Variants in WASF3 observed in about 807,000 individuals in gnomAD.
WASF3 encodes actin-binding protein WASF3.
WASF3 carries 11 observed loss-of-function variants against 46.6 expected under a neutral mutation model. The observed-to-expected ratio is 0.24, with a 90% CI of 0.15 to 0.39. WASF3 has a LOEUF of 0.39. WASF3 is among the 10% of genes least tolerant of loss of function. WASF3 has a pLI of 1.00. For missense variants in WASF3, 576 were observed against 669.8 expected, an observed-to-expected ratio of 0.86 and a Z score of 1.55; for synonymous variants, 242 against 259.7, an observed-to-expected ratio of 0.93 and a Z score of 0.65.
intron 1 of WASF3, among the ~76,000 whole-genome samples, chr13:26,592,578 C>A (rs1391870671): frequency 5.9e-5 from 9 of 152,078 alleles, no homozygotes; most frequent in South Asian, 2.1e-4. Flanking sequence ...GTCTCTTCTT[C>A]TAAGGCCATA....
chr13:26,686,023 G>A lies in WASF3; in HGVS notation c.*178G>A, dbSNP rs1176418866. ...TCAGTATTTACTGTGTAATACTTAA[G>A]TGCCACTAAACATAGCAAATTGTGC... is the stretch of plus-strand genomic sequence containing the variant. On this transcript the variant is annotated 3_prime_UTR_variant, in exon 10 of 10. Transcript: ENST00000335327. The A allele has an allele frequency of 2.1e-5, 16 of 757,806 alleles. No individual in the cohort carries two copies. The highest frequency in any genetic ancestry group is 3.3e-5 in the Non-Finnish European group (16 of 491,780). 46.9% of individuals were successfully genotyped at this position (757,806 alleles called of 1,614,324 possible). A position where few individuals can be genotyped will look rare whatever the true frequency, so the allele number is the denominator to read the frequency against.
chr13:26,561,593 G>A (rs1879296902), intron 1 of WASF3, among the ~76,000 whole-genome samples: 1 of 152,188 alleles, frequency 6.6e-6, no homozygotes, highest in Admixed American at 6.5e-5. Context: ...GTCCCAGACT[G>A]TCTCAAACAG....
At chr13:26,568,500 A>G (rs1442457410) in intron 1 of WASF3, among the ~76,000 whole-genome samples, 1 of 152,152 alleles carries the variant, frequency 6.6e-6, no homozygotes, top group East Asian at 1.9e-4. Context: ...GGGCTGATGA[A>G]GACTCTGATT....
Position 26,679,613 on chromosome 13 carries a change from C to T in WASF3, c.717-1441C>T, listed in dbSNP as rs912788794. Among the ~76,000 whole-genome samples, 5 of 152,156 alleles carry T rather than the reference C, an allele frequency of 3.3e-5. No homozygotes were observed. The highest frequency in any genetic ancestry group is 3.3e-4 in the Admixed American group (5 of 15,288). Reference sequence around the variant, plus strand: ...TCCTTTAAAAGGTTGCACTGTAAGCCAGTGACTCGTAGTCATGCGCAGAGT... The same window carrying T: ...TCCTTTAAAAGGTTGCACTGTAAGCTAGTGACTCGTAGTCATGCGCAGAGT... On this transcript the variant is annotated intron_variant, in intron 7 of 9. Transcript: ENST00000335327. This position sits in a 1 kb window ranked among gnomAD's most constrained non-coding sequence, Gnocchi z 4.8.
intron 3 of WASF3, among the ~76,000 whole-genome samples, chr13:26,649,107 T>C (rs1882235623): frequency 6.6e-6 from 1 of 152,236 alleles, no homozygotes; most frequent in South Asian, 2.1e-4. Context: ...CTCTCTTCTT[T>C]GTATTTCATA....
intron 1 of WASF3, among the ~76,000 whole-genome samples, chr13:26,609,012 G>A (rs756901442): frequency 1.8e-4 from 27 of 152,248 alleles, no homozygotes; most frequent in Middle Eastern, 3.4e-3. Flanking sequence ...GCTATATCTC[G>A]AGCTAGCTTC....
chr13:26,674,595 A>G (rs1239767729), intron 6 of WASF3, among the ~76,000 whole-genome samples: 1 of 152,268 alleles, frequency 6.6e-6, no homozygotes, highest in Admixed American at 6.5e-5. Context: ...GTTGTACTAC[A>G]TATGACTTAC....
At chr13:26,542,030 A>T in the WASF3 span, among the ~76,000 whole-genome samples, 1 of 152,206 alleles carries the variant, frequency 6.6e-6, no homozygotes, top group Non-Finnish European at 1.5e-5. Context: ...CACATTAAGC[A>T]CTTGAGCTGA....
chr13:26,554,084 C>CTTTCTTTCTTTCTTTCT (rs1268537550), upstream of WASF3, among the ~76,000 whole-genome samples: 8 of 36,222 alleles, frequency 2.2e-4, no homozygotes, highest in Admixed American at 9.8e-4. Flanking sequence ...TCCTTCCTTC[C>CTTTCTTTCTTTCTTTCT]TTCCTTCCTT....
At chr13:26,633,584 G>A (rs1881724703) in intron 2 of WASF3, among the ~76,000 whole-genome samples, 1 of 152,100 alleles carries the variant, frequency 6.6e-6, no homozygotes, top group Non-Finnish European at 1.5e-5. Context: ...TGTGATGTTA[G>A]GGTGTCGATT....
rs930249497 is a variant in WASF3 at position 26,679,283 on chromosome 13, T to A, written c.717-1771T>A. On this transcript the variant is annotated intron_variant, in intron 7 of 9. Coordinates refer to ENST00000335327, the MANE Select transcript of WASF3 (RefSeq NM_006646.6). The surrounding 1 kb of genome is among the most constrained non-coding windows in gnomAD (Gnocchi z 4.8). ...CCTCCTCCTCCTGCCTGCTGGCACA[T>A]CCCTTTTCTGTGGTCCTTCCCTCTT... Among the ~76,000 whole-genome samples the A allele has an allele frequency of 6.6e-6, 1 of 152,118 alleles. No individual in the cohort carries two copies. The highest frequency in any genetic ancestry group is 1.9e-4 in the East Asian group (1 of 5,192).
chr13:26,638,038 G>A (rs1289595761), intron 2 of WASF3: 3 of 152,348 alleles, frequency 2.0e-5, no homozygotes, highest in Non-Finnish European at 4.4e-5. Flanking sequence ...CCCTTGCAGT[G>A]GGGAGGAGAG....
intron 2 of WASF3, among the ~76,000 whole-genome samples, chr13:26,620,400 G>A (rs80125696): frequency 0.021 from 3,131 of 151,582 alleles, 111 homozygotes; most frequent in African/African-American, 0.072. Context: ...TAAAATATGG[G>A]TATATTTTAA....
intron 3 of WASF3, among the ~76,000 whole-genome samples, chr13:26,646,820 A>G (rs1301431146): frequency 6.6e-6 from 1 of 152,200 alleles, no homozygotes; most frequent in Non-Finnish European, 1.5e-5. Context: ...AGGACTCCAC[A>G]GGGAGTTTCT....
chr13:26,681,089 C>G lies in WASF3; in HGVS notation c.752C>G (p.Pro251Arg). 6.2e-7 allele frequency: 1 copy of G among 1,614,084 alleles called. No individual in the cohort carries two copies. Among genetic ancestry groups the G allele is most frequent in the South Asian group, 1.1e-5 (1 of 91,048 alleles). Reference protein sequence around the residue: ...HASDVTDYSYPATPNHSLHPQ... With the variant: ...HASDVTDYSYRATPNHSLHPQ... ...TCGGACGTTACGGATTACTCTTACCCGGCTACTCCCAACCATTCTCTGCAC... is the reference window on the plus strand; with the variant it reads ...TCGGACGTTACGGATTACTCTTACCGGGCTACTCCCAACCATTCTCTGCAC... The change falls in exon 8 of 10, where the codon CCG becomes CGG. Residue 251 changes from proline (P) to arginine (R), a missense_variant. Around this residue, in one of 3 missense-constraint regions of WASF3, gnomAD observed 295 missense variants for 291.5 expected, o/e 1.01. Coordinates refer to ENST00000335327, the MANE Select transcript of WASF3 (RefSeq NM_006646.6).
chr13:26,576,659 A>G (rs1208848391), intron 1 of WASF3, among the ~76,000 whole-genome samples: 4 of 152,220 alleles, frequency 2.6e-5, no homozygotes, highest in Admixed American at 6.5e-5. Flanking sequence ...TTTTCAGAGA[A>G]GAGTCATCTG....
At chr13:26,620,942 A>T (rs1021986712) in intron 2 of WASF3, among the ~76,000 whole-genome samples, 63 of 152,264 alleles carry the variant, frequency 4.1e-4, no homozygotes, top group African/African-American at 1.4e-3. Flanking sequence ...GAGACTTATT[A>T]TTTAGTTGTT....
At chr13:26,671,272 T>C (rs1882917766) in intron 5 of WASF3, among the ~76,000 whole-genome samples, 1 of 152,214 alleles carries the variant, frequency 6.6e-6, no homozygotes, top group South Asian at 2.1e-4. Context: ...TGCTTTAAAA[T>C]GAAATGGCCA....
intron 2 of WASF3, among the ~76,000 whole-genome samples, chr13:26,629,440 G>T (rs1881583945): frequency 6.6e-6 from 1 of 152,192 alleles, no homozygotes. Context: ...ATGAACTGGT[G>T]TCCTGCCCAC....
Sources: gnomAD v4.1 joint callset for allele counts (sites outside exome capture counted in the v4.1 genomes callset) on GRCh38, gnomAD v4.1.1 for gene constraint, gnomAD v4.1.1 regional missense constraint, Gnocchi (gnomAD v3.1) non-coding constraint, MANE v1.5 for transcripts, NCBI Gene and HGNC (gene_info 2026-07-23, HGNC 2026-07-21) for gene names.